The following CELF4 variants were observed in gnomAD, a reference collection of about 807,000 sequenced individuals.
CELF4 encodes CUGBP Elav-like family member 4.
Under a neutral mutation model 59.9 loss-of-function variants are expected in CELF4, and 18 were observed. The ratio of observed to expected loss-of-function variants is 0.30; its 90% CI spans 0.21 to 0.45. The LOEUF is 0.45. Ranked by LOEUF, CELF4 falls within the 20% of genes least tolerant of loss-of-function variation. CELF4 has a pLI of 1.00. For synonymous variants in CELF4, 261 were observed against 267.1 expected, an observed-to-expected ratio of 0.98 and a Z score of 0.22; for missense variants, 456 against 689.0, an observed-to-expected ratio of 0.66 and a Z score of 3.79.
chr18:37,445,742 G>A (rs553993632), intron 2 of CELF4, among the ~76,000 whole-genome samples: 3 of 152,200 alleles, frequency 2.0e-5, no homozygotes, highest in African/African-American at 7.2e-5. Flanking sequence ...GATGCATTCC[G>A]TGTCTCCCAT....
chr18:37,429,686 G>A (rs1199177907), intron 2 of CELF4, among the ~76,000 whole-genome samples: 1 of 152,148 alleles, frequency 6.6e-6, no homozygotes, highest in East Asian at 1.9e-4. Context: ...TCTTTGTTTG[G>A]TTATTTATTT....
chr18:37,419,997 GC>G (rs1471076306), intron 2 of CELF4, among the ~76,000 whole-genome samples: 1 of 152,214 alleles, frequency 6.6e-6, no homozygotes, highest in African/African-American at 2.4e-5. Context: ...CATCATGTGA[GC>G]CATCTGCTCT....
intron 1 of CELF4, among the ~76,000 whole-genome samples, chr18:37,490,636 A>C (rs1224329014): frequency 6.6e-6 from 1 of 152,182 alleles, no homozygotes; most frequent in Non-Finnish European, 1.5e-5. Flanking sequence ...TCAACTCAGC[A>C]AGCTGGAAAT....
intron 2 of CELF4, among the ~76,000 whole-genome samples, chr18:37,432,188 T>C (rs1255719914): frequency 6.6e-6 from 1 of 152,198 alleles, no homozygotes; most frequent in East Asian, 1.9e-4. Context: ...CCAGCACTGA[T>C]GGCCTCTGCC....
intron 1 of CELF4, among the ~76,000 whole-genome samples, chr18:37,506,554 G>A (rs966257681): frequency 2.0e-5 from 3 of 152,212 alleles, no homozygotes; most frequent in Non-Finnish European, 4.4e-5. Flanking sequence ...CAGATGGAGA[G>A]GGAGGTTGGG....
intron 1 of CELF4, among the ~76,000 whole-genome samples, chr18:37,528,648 C>A (rs55678250): frequency 3.9e-5 from 6 of 151,906 alleles, no homozygotes; most frequent in African/African-American, 1.2e-4. Context: ...TGTGTCTGTA[C>A]GTGAGATATT....
At chr18:37,485,236 C>G (rs1343479008) in intron 2 of CELF4, among the ~76,000 whole-genome samples, 1 of 151,948 alleles carries the variant, frequency 6.6e-6, no homozygotes, top group Non-Finnish European at 1.5e-5. Flanking sequence ...GCCCGCGGGC[C>G]CGGCGGAGGC....
At chr18:37,389,055 C>A (rs2099129493) in intron 2 of CELF4, among the ~76,000 whole-genome samples, 1 of 152,152 alleles carries the variant, frequency 6.6e-6, no homozygotes, top group East Asian at 1.9e-4. Context: ...AGTTAGCCCC[C>A]ACCCCAAGTT....
intron 2 of CELF4, among the ~76,000 whole-genome samples, chr18:37,444,371 T>C (rs2099741823): frequency 6.6e-6 from 1 of 152,102 alleles, no homozygotes; most frequent in African/African-American, 2.4e-5. Context: ...GAGCTGTGTC[T>C]GGACGCTTTG....
At chr18:37,520,858 C>T (rs1180974686) in intron 1 of CELF4, among the ~76,000 whole-genome samples, 1 of 152,110 alleles carries the variant, frequency 6.6e-6, no homozygotes, top group Non-Finnish European at 1.5e-5. Flanking sequence ...AGTGTCAATG[C>T]CAGGGCTTCA....
intron 1 of CELF4, among the ~76,000 whole-genome samples, chr18:37,525,191 C>T (rs1324812024): frequency 2.0e-5 from 3 of 152,196 alleles, no homozygotes; most frequent in Non-Finnish European, 4.4e-5. Flanking sequence ...TGCGCTGGCC[C>T]GGCTGGAGGG....
chr18:37,402,957 C>G (rs1296883719), intron 2 of CELF4, among the ~76,000 whole-genome samples: 1 of 152,232 alleles, frequency 6.6e-6, no homozygotes, highest in African/African-American at 2.4e-5. Flanking sequence ...GGCCCCAGTC[C>G]TGGCATGCAC....
At chr18:37,435,172 G>A (rs1167093650) in intron 2 of CELF4, among the ~76,000 whole-genome samples, 1 of 152,162 alleles carries the variant, frequency 6.6e-6, no homozygotes, top group Admixed American at 6.5e-5. Context: ...TGACCTGACT[G>A]TGAACAAACC....
chr18:37,533,169 G>A (rs1011977859), intron 1 of CELF4, among the ~76,000 whole-genome samples: 2 of 152,352 alleles, frequency 1.3e-5, no homozygotes, highest in Admixed American at 6.5e-5. Flanking sequence ...GGCTGCTTAC[G>A]CACGAATGTC....
chr18:37,502,861 C>A (rs549060891), intron 1 of CELF4, among the ~76,000 whole-genome samples: 1 of 152,350 alleles, frequency 6.6e-6, no homozygotes, highest in East Asian at 1.9e-4. Flanking sequence ...CTGATTCCCT[C>A]CATTCTCAAC....
intron 2 of CELF4, among the ~76,000 whole-genome samples, chr18:37,412,306 G>C (rs1220406360): frequency 6.6e-6 from 1 of 152,180 alleles, no homozygotes; most frequent in African/African-American, 2.4e-5. Context: ...GTACAGCTGG[G>C]GTTCAATGAG....
chr18:37,508,469 A>C (rs1183391426), intron 1 of CELF4, among the ~76,000 whole-genome samples: 1 of 152,140 alleles, frequency 6.6e-6, no homozygotes, highest in Non-Finnish European at 1.5e-5. Flanking sequence ...TCAGCAGCTG[A>C]GGTCTTTTGC....
chr18:37,308,758 A>G (rs1282584463), intron 3 of CELF4, among the ~76,000 whole-genome samples: 1 of 120,738 alleles, frequency 8.3e-6, no homozygotes, highest in Non-Finnish European at 1.9e-5. Flanking sequence ...CGTTGGGATC[A>G]TGGATTTTCC....
intron 1 of CELF4, among the ~76,000 whole-genome samples, chr18:37,520,242 G>A (rs2099955796): frequency 6.6e-6 from 1 of 152,150 alleles, no homozygotes. Flanking sequence ...TTCATGTGCT[G>A]GGCCCTGGGC....
Sources: gnomAD v4.1 joint callset for allele counts (sites outside exome capture counted in the v4.1 genomes callset) on GRCh38, gnomAD v4.1.1 for gene constraint, MANE v1.5 for transcripts, NCBI Gene and HGNC (gene_info 2026-07-23, HGNC 2026-07-21) for gene names.